Variants in HDAC4 observed in about 807,000 individuals in gnomAD.
The protein encoded by HDAC4 is histone deacetylase 4.
HDAC4 carries 16 observed loss-of-function variants against 135.1 expected under a neutral mutation model. The observed-to-expected ratio is 0.12, with a 90% CI of 0.08 to 0.18. The LOEUF is 0.18. Ranked by LOEUF, HDAC4 falls within the 10% of genes least tolerant of loss-of-function variation. The pLI is 1.00. For synonymous variants in HDAC4, 685 were observed against 653.4 expected (o/e 1.05, Z -0.74); for missense variants, 1,143 against 1,511.8 (o/e 0.76, Z 4.05).
intron 3 of HDAC4, among the ~76,000 whole-genome samples, chr2:239,221,609 GACACACACACACACACAC>G (rs3838519): frequency 3.8e-4 from 57 of 149,046 alleles, no homozygotes; most frequent in Admixed American, 7.3e-4. Context: ...CTGAGAGTGG[GACACACACACACACACAC>G]ACACACACAC....
intron 3 of HDAC4, among the ~76,000 whole-genome samples, chr2:239,198,552 G>A (rs1026232494): frequency 6.6e-6 from 1 of 152,166 alleles, no homozygotes; most frequent in African/African-American, 2.4e-5. Context: ...CTGTCCCCAT[G>A]CAGAGGCGCT....
chr2:239,290,392 G>A (rs1001538167), intron 2 of HDAC4, among the ~76,000 whole-genome samples: 1 of 152,200 alleles, frequency 6.6e-6, no homozygotes, highest in African/African-American at 2.4e-5. Context: ...AGGATGTCCA[G>A]CACCAATGAG....
chr2:239,168,263 A>AAAGC (rs1467985800), intron 5 of HDAC4, among the ~76,000 whole-genome samples: 6 of 152,178 alleles, frequency 3.9e-5, no homozygotes, highest in Non-Finnish European at 8.8e-5. Context: ...GCAGTGAGAG[A>AAAGC]AAGCGGGGCT....
At chr2:239,348,273 G>A (rs558398571) in intron 2 of HDAC4, among the ~76,000 whole-genome samples, 28 of 144,150 alleles carry the variant, frequency 1.9e-4, no homozygotes, top group African/African-American at 8.2e-4. Context: ...GCTGACCACA[G>A]ACACGTCCCA....
chr2:239,108,230 G>A (rs758162891), intron 14 of HDAC4, 47 bp from the exon 15 acceptor site: 2 of 1,564,898 alleles, frequency 1.3e-6, no homozygotes, highest in Admixed American at 1.9e-5. Context: ...CCAGGGGCGA[G>A]CCGACCACCC....
At chr2:239,148,450 G>A (rs958360653) in intron 7 of HDAC4, among the ~76,000 whole-genome samples, 1 of 152,124 alleles carries the variant, frequency 6.6e-6, no homozygotes, top group African/African-American at 2.4e-5. Context: ...AGAGGAGCTG[G>A]ACACGGAGGC....
At chr2:239,147,253 A>G (rs2041827792) in intron 7 of HDAC4, among the ~76,000 whole-genome samples, 1 of 152,188 alleles carries the variant, frequency 6.6e-6, no homozygotes, top group African/African-American at 2.4e-5. Flanking sequence ...GGGGAGCCGC[A>G]TACCACGAGG....
intron 1 of HDAC4, among the ~76,000 whole-genome samples, chr2:239,366,245 G>A (rs974820212): frequency 6.7e-6 from 1 of 150,356 alleles, no homozygotes; most frequent in East Asian, 2.0e-4. Flanking sequence ...TGGCACTGGC[G>A]GACACACACA....
intron 2 of HDAC4, among the ~76,000 whole-genome samples, chr2:239,334,573 A>G (rs1042168744): frequency 1.3e-5 from 2 of 152,086 alleles, no homozygotes; most frequent in Non-Finnish European, 2.9e-5. Flanking sequence ...ATTACAAAAT[A>G]TGATCGAAAG....
At chr2:239,208,534 T>C (rs1283767633) in intron 3 of HDAC4, among the ~76,000 whole-genome samples, 2 of 151,944 alleles carry the variant, frequency 1.3e-5, no homozygotes, top group African/African-American at 4.8e-5. Context: ...TATTAAAAGG[T>C]CCCAGCAAAT....
chr2:239,293,337 G>C (rs1457201255), intron 2 of HDAC4, among the ~76,000 whole-genome samples: 1 of 152,218 alleles, frequency 6.6e-6, no homozygotes, highest in Non-Finnish European at 1.5e-5. Flanking sequence ...GTTTGACCAG[G>C]GCCTGTCCCC....
intron 3 of HDAC4, among the ~76,000 whole-genome samples, chr2:239,220,226 C>CA (rs1339025334): frequency 1.3e-5 from 2 of 152,166 alleles, no homozygotes; most frequent in Non-Finnish European, 2.9e-5. Context: ...TTAAACGCTT[C>CA]AAATTCTAGT....
intron 21 of HDAC4, among the ~76,000 whole-genome samples, chr2:239,081,396 G>A (rs1039633235): frequency 6.6e-6 from 1 of 152,206 alleles, no homozygotes; most frequent in African/African-American, 2.4e-5. Flanking sequence ...ATCAGCAAGG[G>A]GGCCCTTTTC....
chr2:239,111,943 G>C (rs1164458162), intron 13 of HDAC4, among the ~76,000 whole-genome samples: 1 of 152,190 alleles, frequency 6.6e-6, no homozygotes, highest in Non-Finnish European at 1.5e-5. Flanking sequence ...TCCCAGGACG[G>C]TCTCTCTAGG....
intron 3 of HDAC4, among the ~76,000 whole-genome samples, chr2:239,225,763 T>G (rs72988624): frequency 0.12 from 18,520 of 152,134 alleles, 1,238 homozygotes; most frequent in African/African-American, 0.14. Flanking sequence ...AAGGGACACC[T>G]CCAGTCCTCC....
chr2:239,197,663 T>A (rs1439591735), intron 3 of HDAC4, among the ~76,000 whole-genome samples: 1 of 152,248 alleles, frequency 6.6e-6, no homozygotes, highest in East Asian at 1.9e-4. Context: ...AAATGTATAT[T>A]CTAACCTTTT....
In HDAC4 at chr2:239,261,924, G is replaced by A. The variant is rs942743121; in HGVS notation, c.23-25260C>T. On this transcript the variant is annotated intron_variant, in intron 2 of 26. Transcript: ENST00000543185. ...CTGAGAGTCTCGAAAAGCCTATGTC[G>A]GAGGGTCCTCGGGTTGCCTGGCGCC... is the stretch of plus-strand genomic sequence containing the variant. Among the ~76,000 whole-genome samples, 5 of 152,198 alleles carry A rather than the reference G, an allele frequency of 3.3e-5. No individual in the cohort carries two copies. The South Asian group carries it at 6.2e-4, about 19-fold the overall frequency.
Position 239,313,787 on chromosome 2 carries a change from G to T in HDAC4, c.22+38891C>A, listed in dbSNP as rs2052996990. Among the ~76,000 whole-genome samples, 1 of 152,226 alleles carries T rather than the reference G, an allele frequency of 6.6e-6. No individual in the cohort carries two copies. The highest frequency in any genetic ancestry group is 2.1e-4 in the South Asian group (1 of 4,832). On this transcript the variant is annotated intron_variant, in intron 2 of 26. Coordinates refer to ENST00000543185, the MANE Select transcript of HDAC4 (RefSeq NM_001378414.1). This position sits in a 1 kb window ranked among gnomAD's most constrained non-coding sequence, Gnocchi z 5.1. ...AATTATACTCAGGGCTGAGTTGGCT[G>T]AAGAGTGAGGAATATACTCCAAAGA...
chr2:239,221,153 C>G (rs902439225), intron 3 of HDAC4, among the ~76,000 whole-genome samples: 1 of 152,128 alleles, frequency 6.6e-6, no homozygotes, highest in African/African-American at 2.4e-5. Context: ...GAAGGAGAAC[C>G]CTGTCAGATG....
Sources: gnomAD v4.1 joint callset for allele counts (sites outside exome capture counted in the v4.1 genomes callset) on GRCh38, gnomAD v4.1.1 for gene constraint, Gnocchi (gnomAD v3.1) non-coding constraint, MANE v1.5 for transcripts, NCBI Gene and HGNC (gene_info 2026-07-23, HGNC 2026-07-21) for gene names.